Variants in CHCHD3 observed in about 807,000 individuals in gnomAD.
The protein encoded by CHCHD3 is MICOS complex subunit MIC19.
Under a neutral mutation model 38.2 loss-of-function variants are expected in CHCHD3, and 20 were observed. That is an observed-to-expected ratio of 0.52 (90% confidence interval 0.37 to 0.76). The LOEUF (loss-of-function observed/expected upper bound fraction) is 0.76. CHCHD3 is among the 30% of genes least tolerant of loss of function. The pLI, the probability that CHCHD3 is intolerant of heterozygous loss-of-function variation, is 0.00. For missense variants in CHCHD3, 245 were observed against 279.2 expected (o/e 0.88, Z 0.87); for synonymous variants, 82 against 100.0 (o/e 0.82, Z 1.07).
At chr7:132,926,468 G>C (rs1453824642) in intron 4 of CHCHD3, among the ~76,000 whole-genome samples, 1 of 152,168 alleles carries the variant, frequency 6.6e-6, no homozygotes, top group East Asian at 1.9e-4. Context: ...AGATCTGATG[G>C]CCTGTTGGGT....
chr7:132,967,847 C>A (rs545827445), intron 4 of CHCHD3, among the ~76,000 whole-genome samples: 110 of 149,538 alleles, frequency 7.4e-4, no homozygotes, highest in African/African-American at 2.5e-3. Context: ...AAAAAAAGAA[C>A]CTAGGCATTT....
intron 2 of CHCHD3, among the ~76,000 whole-genome samples, chr7:133,060,226 C>T (rs1814462232): frequency 1.3e-5 from 2 of 152,310 alleles, no homozygotes; most frequent in South Asian, 2.1e-4. Context: ...GCAGCAAACA[C>T]ACACAGTTCT....
intron 5 of CHCHD3, among the ~76,000 whole-genome samples, chr7:132,843,414 T>A (rs1187649807): frequency 6.6e-6 from 1 of 152,206 alleles, no homozygotes; most frequent in Admixed American, 6.5e-5. Context: ...GCGAGAATAA[T>A]ATAGTATTTA....
intron 2 of CHCHD3, among the ~76,000 whole-genome samples, chr7:133,059,119 A>G (rs1332739479): frequency 6.6e-6 from 1 of 152,202 alleles, no homozygotes; most frequent in East Asian, 1.9e-4. Context: ...GATGGCAGAA[A>G]GACCACTCTT....
chr7:132,939,285 T>G (rs1056433868), intron 4 of CHCHD3, among the ~76,000 whole-genome samples: 2 of 152,176 alleles, frequency 1.3e-5, no homozygotes, highest in African/African-American at 2.4e-5. Context: ...GTCCTAGGCC[T>G]TCATGTTTAC....
In CHCHD3 at chr7:133,042,845, GT is replaced by G. The variant is rs1048048007; in HGVS notation, c.170-18219del. 2.6e-5 allele frequency among the ~76,000 whole-genome samples: 4 copies of G among 151,480 alleles called. No individual in the cohort carries two copies. The East Asian group carries it at 5.8e-4, about 22-fold the overall frequency. ...TATTATTAATAAAGATCATGACAAA[GT>G]TTTTTTTTGTTTGTTTGCTTCGGGT... On this transcript the variant is annotated intron_variant, in intron 2 of 7. Transcript: ENST00000262570.
chr7:132,822,395 T>A (rs553484329), intron 6 of CHCHD3, among the ~76,000 whole-genome samples: 40 of 152,208 alleles, frequency 2.6e-4, no homozygotes, highest in African/African-American at 6.3e-4. Flanking sequence ...AAAAAGCCTA[T>A]AATTTTCACA....
chr7:132,868,295 T>C (rs1808682766), intron 5 of CHCHD3, among the ~76,000 whole-genome samples: 2 of 152,200 alleles, frequency 1.3e-5, no homozygotes, highest in African/African-American at 4.8e-5. Context: ...AATTATTAGA[T>C]GTTTATACAG....
intron 3 of CHCHD3, among the ~76,000 whole-genome samples, chr7:132,994,465 T>G (rs1812363392): frequency 6.6e-6 from 1 of 152,200 alleles, no homozygotes; most frequent in Non-Finnish European, 1.5e-5. Context: ...CACCGCCAAT[T>G]GCTGTAAAGG....
At chr7:132,843,256 T>C (rs776126321) in intron 5 of CHCHD3, among the ~76,000 whole-genome samples, 4 of 151,880 alleles carry the variant, frequency 2.6e-5, no homozygotes, top group Admixed American at 2.6e-4. Context: ...TGCTTCAGAG[T>C]CACTTATGGA....
chr7:133,064,075 A>G (rs946580680), intron 2 of CHCHD3, among the ~76,000 whole-genome samples: 13 of 152,142 alleles, frequency 8.5e-5, no homozygotes, highest in African/African-American at 2.9e-4. Context: ...ATGTTGATTC[A>G]CCTTCTCAAA....
At chr7:133,057,257 T>C (rs1562950496) in intron 2 of CHCHD3, among the ~76,000 whole-genome samples, 1 of 152,186 alleles carries the variant, frequency 6.6e-6, no homozygotes, top group Admixed American at 6.5e-5. Context: ...AAATATAACA[T>C]AGCCTTAAAA....
At chr7:132,908,527 G>T (rs1426174227) in intron 4 of CHCHD3, among the ~76,000 whole-genome samples, 1 of 152,108 alleles carries the variant, frequency 6.6e-6, no homozygotes, top group African/African-American at 2.4e-5. Flanking sequence ...TTTCATATCT[G>T]AGGCCCTTGG....
chr7:133,023,446 G>A (rs1813249310), intron 3 of CHCHD3, among the ~76,000 whole-genome samples: 1 of 152,120 alleles, frequency 6.6e-6, no homozygotes, highest in Non-Finnish European at 1.5e-5. Context: ...GGCCAGTGAG[G>A]ACTACAATCC....
chr7:132,846,387 A>G (rs1443139210), intron 5 of CHCHD3, among the ~76,000 whole-genome samples: 7 of 152,252 alleles, frequency 4.6e-5, no homozygotes, highest in African/African-American at 1.7e-4. Flanking sequence ...AGCCCAGCTG[A>G]TAACAGTCCA....
At chr7:132,999,952 T>C (rs1812521341) in intron 3 of CHCHD3, among the ~76,000 whole-genome samples, 1 of 152,220 alleles carries the variant, frequency 6.6e-6, no homozygotes, top group African/African-American at 2.4e-5. Context: ...AAAAATCAGA[T>C]GGATTTTACC....
chr7:133,015,238 G>A (rs958999292), intron 3 of CHCHD3, among the ~76,000 whole-genome samples: 1 of 152,066 alleles, frequency 6.6e-6, no homozygotes, highest in Non-Finnish European at 1.5e-5. Flanking sequence ...AGCTACTTGG[G>A]AGGCTGAGGT....
At chr7:132,960,309 A>T (rs1161781672) in intron 4 of CHCHD3, among the ~76,000 whole-genome samples, 1 of 152,164 alleles carries the variant, frequency 6.6e-6, no homozygotes, top group African/African-American at 2.4e-5. Flanking sequence ...ATTATCATAC[A>T]CACAGAGAGC....
chr7:133,017,761 T>C (rs545419611), intron 3 of CHCHD3, among the ~76,000 whole-genome samples: 58 of 152,232 alleles, frequency 3.8e-4, no homozygotes, highest in African/African-American at 1.3e-3. Flanking sequence ...GTAGCATCAG[T>C]AGGAAAGAAA....
Sources: gnomAD v4.1 joint callset for allele counts (sites outside exome capture counted in the v4.1 genomes callset) on GRCh38, gnomAD v4.1.1 for gene constraint, MANE v1.5 for transcripts, NCBI Gene and HGNC (gene_info 2026-07-23, HGNC 2026-07-21) for gene names.